RERE: variants seen among roughly 807,000 people sequenced by gnomAD.
The protein encoded by RERE is arginine-glutamic acid dipeptide repeats protein.
A neutral mutation model predicts 146.1 loss-of-function variants in RERE; 40 were observed. That is an observed-to-expected ratio of 0.27 (90% CI 0.21 to 0.36). The LOEUF (loss-of-function observed/expected upper bound fraction) is 0.36, where lower values mean the gene tolerates loss of function less well. Ranked by LOEUF, RERE falls within the 10% of genes least tolerant of loss-of-function variation. The probability of loss-of-function intolerance (pLI) is 1.00; values close to 1 mark genes in which losing one functional copy is unlikely to be tolerated. For synonymous variants in RERE, 1,003 were observed against 866.0 expected (o/e 1.16, Z -2.78); for missense variants, 1,933 against 2,138.7 (o/e 0.90, Z 1.90).
At position 8,607,530 on chromosome 1, in the gene RERE, A is replaced by ATTTTTTTTTTTT. The variant is rs1646732347; in HGVS notation, c.522+7030_522+7031insAAAAAAAAAAAA. On this transcript the variant is annotated intron_variant, in intron 4 of 22. Transcript: ENST00000400908. ...GCCCCGCATATTTGTTTTTATATAT[A>ATTTTTTTTTTTT]TTTCTTTTTTTTTTTTTTTTTTTTT... is the stretch of plus-strand genomic sequence containing the variant. Among the ~76,000 whole-genome samples the ATTTTTTTTTTTT allele has an allele frequency of 1.9e-4, 11 of 57,594 alleles. No homozygotes were observed. The East Asian group carries it at 4.8e-3, about 25-fold the overall frequency. The allele number at this position is 57,594 out of a possible 152,430, so 37.8% of individuals were successfully genotyped here. A position where few individuals can be genotyped will look rare whatever the true frequency, so the allele number is the denominator to read the frequency against.
chr1:8,464,269 G>T (rs1325002627), intron 11 of RERE, among the ~76,000 whole-genome samples: 3 of 152,128 alleles, frequency 2.0e-5, no homozygotes, highest in African/African-American at 4.8e-5. Context: ...GTGCATCTCA[G>T]CTCCGCCTAG....
intron 1 of RERE, among the ~76,000 whole-genome samples, chr1:8,804,254 A>G (rs1260486621): frequency 2.0e-5 from 3 of 152,232 alleles, no homozygotes; most frequent in African/African-American, 7.2e-5. Context: ...ATCAGAAGGC[A>G]GTTCATCTTG....
chr1:8,627,462 T>A (rs1016992995), intron 2 of RERE, among the ~76,000 whole-genome samples: 1 of 151,734 alleles, frequency 6.6e-6, no homozygotes, highest in Non-Finnish European at 1.5e-5. Context: ...ATTAGCTGGG[T>A]GTGGTGGCAC....
At chr1:8,763,634 C>CA (rs1340699958) in intron 1 of RERE, among the ~76,000 whole-genome samples, 2 of 151,418 alleles carry the variant, frequency 1.3e-5, no homozygotes, top group Non-Finnish European at 2.9e-5. Context: ...GACTCCGTCT[C>CA]AAAAAACAAA....
chr1:8,520,938 A>G (rs1363390199), intron 7 of RERE, among the ~76,000 whole-genome samples: 2 of 151,964 alleles, frequency 1.3e-5, no homozygotes, highest in Non-Finnish European at 2.9e-5. Context: ...CCAAGCAAGC[A>G]TGTCTACAAC....
At chr1:8,638,782 A>ATTTTTTT (rs1557450012) in intron 2 of RERE, among the ~76,000 whole-genome samples, 2 of 134,362 alleles carry the variant, frequency 1.5e-5, no homozygotes, top group African/African-American at 3.0e-5. Flanking sequence ...GACGAAAAAA[A>ATTTTTTT]ATTTTTTTTT....
intron 1 of RERE, among the ~76,000 whole-genome samples, chr1:8,717,671 T>A (rs1639789793): frequency 6.6e-6 from 1 of 152,212 alleles, no homozygotes; most frequent in Non-Finnish European, 1.5e-5. Flanking sequence ...AGACAGATAA[T>A]TTTACAATGA....
In RERE at chr1:8,373,816, T is replaced by G. The variant is rs1642134765; in HGVS notation, c.1285-7842A>C. ...ACATCTGAGGTGAGAAGCCGGGCAC[T>G]GGGCAGAACCAGCAGCGATATTCAG... On this transcript the variant is annotated intron_variant, in intron 12 of 22. Transcript: ENST00000400908. 1.3e-5 allele frequency among the ~76,000 whole-genome samples: 2 copies of G among 152,222 alleles called. 1 individual carries two copies. The highest frequency in any genetic ancestry group is 4.1e-4 in the South Asian group (2 of 4,828).
intron 8 of RERE, 137 bp downstream of exon 8, chr1:8,508,490 G>T: frequency 1.5e-6 from 1 of 657,892 alleles, no homozygotes; most frequent in Non-Finnish European, 2.7e-6. Flanking sequence ...TGAGGAGGGT[G>T]GAAAAAAAAC....
In RERE at chr1:8,358,693, G is replaced by A. The variant is rs771849868; in HGVS notation, c.3842C>T (p.Thr1281Met). The A allele has an allele frequency of 5.0e-6, 8 of 1,590,092 alleles. No individual in the cohort carries two copies. Among genetic ancestry groups the A allele is most frequent in the African/African-American group, 2.7e-5 (2 of 74,524 alleles). Residue 1281 changes from threonine to methionine, a missense_variant, in exon 20 of 23, where the codon ACG becomes ATG. Physicochemically the swap from Thr to Met is moderately conservative, Grantham distance 81. Around this residue, in one of 11 missense-constraint regions of RERE, gnomAD observed 1,255 missense variants for 1,153.8 expected, o/e 1.09. Transcript: ENST00000400908. ...NHPFYMPLNP[T>M]DPLLAYHMPG... ...CATGTGGTAGGCCAGCAGGGGGTCC[G>A]TGGGGTTAAGGGGCATGTAGAAGGG...
intron 1 of RERE, among the ~76,000 whole-genome samples, chr1:8,669,867 G>C (rs1250392451): frequency 2.6e-5 from 4 of 152,106 alleles, no homozygotes; most frequent in African/African-American, 9.7e-5. Flanking sequence ...ATGACAGGGT[G>C]AATTTTATAT....
chr1:8,428,056 G>T (rs932119833), intron 11 of RERE, among the ~76,000 whole-genome samples: 14 of 152,182 alleles, frequency 9.2e-5, no homozygotes, highest in Admixed American at 6.5e-4. Context: ...GGCATTTCCA[G>T]TGCTGAAATT....
chr1:8,358,691 C>A lies in RERE; in HGVS notation c.3844G>T (p.Asp1282Tyr). The change falls in exon 20 of 23, where the codon GAC (aspartate) becomes TAC (tyrosine). Residue 1282 changes from aspartate to tyrosine, a missense_variant. Asp to Tyr is a radical substitution (Grantham distance 160). Transcript: ENST00000400908. ...GGCATGTGGTAGGCCAGCAGGGGGTCCGTGGGGTTAAGGGGCATGTAGAAG... is the reference window on the plus strand; with the variant it reads ...GGCATGTGGTAGGCCAGCAGGGGGTACGTGGGGTTAAGGGGCATGTAGAAG... Reference protein sequence around the residue: ...HPFYMPLNPTDPLLAYHMPGL... With the variant: ...HPFYMPLNPTYPLLAYHMPGL... 1 of 1,589,100 alleles carries A rather than the reference C, an allele frequency of 6.3e-7. No individual in the cohort carries two copies. Among genetic ancestry groups the A allele is most frequent in the Non-Finnish European group, 8.6e-7 (1 of 1,165,450 alleles).
rs544819516 is a variant in RERE, at chr1:8,621,407, A to G, written c.396+2903T>C. 5.3e-5 allele frequency among the ~76,000 whole-genome samples: 8 copies of G among 152,318 alleles called. No individual in the cohort carries two copies. The South Asian group carries it at 1.7e-3, about 32-fold the overall frequency. On this transcript the variant is annotated intron_variant, in intron 3 of 22. Coordinates refer to ENST00000400908, the MANE Select transcript of RERE (RefSeq NM_001042681.2). ...TATTCTAGCCTCGGTGACTGGCGGT[A>G]GATGTCTCCTCCTCCCCACGCCTCA...
intron 7 of RERE, among the ~76,000 whole-genome samples, chr1:8,510,577 T>G (rs1002908272): frequency 6.6e-6 from 1 of 152,246 alleles, no homozygotes; most frequent in Non-Finnish European, 1.5e-5. Context: ...CAAGTTATTT[T>G]AATCACAAGC....
At chr1:8,582,943 G>A (rs1030062297) in intron 4 of RERE, among the ~76,000 whole-genome samples, 2 of 152,112 alleles carry the variant, frequency 1.3e-5, no homozygotes, top group African/African-American at 2.4e-5. Flanking sequence ...TTACATGCTT[G>A]TACCTCTGAC....
chr1:8,588,776 A>G (rs947827535), intron 4 of RERE, among the ~76,000 whole-genome samples: 1 of 152,182 alleles, frequency 6.6e-6, no homozygotes, highest in Non-Finnish European at 1.5e-5. Context: ...CTCCCTTTGG[A>G]CATCTTCCAT....
intron 11 of RERE, among the ~76,000 whole-genome samples, chr1:8,452,703 A>G (rs1252390726): frequency 5.3e-5 from 8 of 152,240 alleles, no homozygotes; most frequent in Non-Finnish European, 1.2e-4. Context: ...TGCACACAAG[A>G]GTAGGAATGG....
chr1:8,626,156 A>G (rs1646971133), intron 2 of RERE, among the ~76,000 whole-genome samples: 1 of 152,230 alleles, frequency 6.6e-6, no homozygotes. Flanking sequence ...TCATTCTTTC[A>G]TACTCCTACC....
Sources: gnomAD v4.1 joint callset for allele counts (sites outside exome capture counted in the v4.1 genomes callset) on GRCh38, gnomAD v4.1.1 for gene constraint, gnomAD v4.1.1 regional missense constraint, MANE v1.5 for transcripts, NCBI Gene and HGNC (gene_info 2026-07-23, HGNC 2026-07-21) for gene names.